SIL1: variants seen among roughly 807,000 people sequenced by gnomAD.
SIL1 encodes nucleotide exchange factor SIL1.
Under a neutral mutation model 49.1 loss-of-function variants are expected in SIL1, and 40 were observed. That is an observed-to-expected ratio of 0.81 (90% CI 0.63 to 1.06). SIL1 has a LOEUF of 1.06. Ranked by LOEUF, SIL1 falls within the 50% of genes least tolerant of loss-of-function variation. SIL1 has a pLI of 0.00. For missense variants in SIL1, 500 were observed against 572.6 expected (o/e 0.87, Z 1.29); for synonymous variants, 253 against 250.8 (o/e 1.01, Z -0.08).
At chr5:139,139,013 C>T (rs567865796) in intron 1 of SIL1, among the ~76,000 whole-genome samples, 3 of 152,172 alleles carry the variant, frequency 2.0e-5, no homozygotes, top group East Asian at 1.9e-4. Flanking sequence ...TTCAGAGTCC[C>T]GCTTCCTGAT....
At chr5:139,006,476 T>C in intron 7 of SIL1, among the ~76,000 whole-genome samples, 1 of 121,062 alleles carries the variant, frequency 8.3e-6, no homozygotes, top group East Asian at 2.5e-4. Context: ...CATTTGTCAA[T>C]TTTGGCTTTT....
intron 6 of SIL1, among the ~76,000 whole-genome samples, chr5:139,023,677 T>C (rs902953913): frequency 3.3e-5 from 5 of 152,196 alleles, no homozygotes; most frequent in Admixed American, 6.5e-5. Context: ...CAAACCACCA[T>C]TCAGTGAGTC....
At chr5:138,997,096 C>T (rs1293499930) in intron 7 of SIL1, among the ~76,000 whole-genome samples, 1 of 152,052 alleles carries the variant, frequency 6.6e-6, no homozygotes, top group Non-Finnish European at 1.5e-5. Flanking sequence ...CTGTGCCCAG[C>T]TAGTTTTATT....
intron 3 of SIL1, among the ~76,000 whole-genome samples, chr5:139,095,100 T>C (rs535627321): frequency 6.6e-6 from 1 of 152,308 alleles, no homozygotes; most frequent in South Asian, 2.1e-4. Flanking sequence ...CTTGATACCC[T>C]TGATCACAGG....
intron 1 of SIL1, among the ~76,000 whole-genome samples, chr5:139,141,333 T>G (rs943656703): frequency 6.6e-6 from 1 of 151,976 alleles, no homozygotes; most frequent in African/African-American, 2.4e-5. Flanking sequence ...GGTAAAAATA[T>G]GGACTGTGGT....
At chr5:139,021,760 T>C (rs1370059158) in intron 6 of SIL1, 2 of 208,324 alleles carry the variant, frequency 9.6e-6, no homozygotes, top group Non-Finnish European at 1.9e-5. Context: ...AGCCCTGTTA[T>C]TGGGAGGGGG....
chr5:139,079,960 T>C (rs949728771), intron 3 of SIL1, among the ~76,000 whole-genome samples: 2 of 152,230 alleles, frequency 1.3e-5, no homozygotes, highest in African/African-American at 4.8e-5. Flanking sequence ...TTCTCTCATG[T>C]AGCCACAGCT....
chr5:139,155,841 C>G (rs1751398280), intron 1 of SIL1, among the ~76,000 whole-genome samples: 1 of 148,604 alleles, frequency 6.7e-6, no homozygotes, highest in Non-Finnish European at 1.5e-5. Context: ...CAAATAAACT[C>G]TTTTTTTTTT....
chr5:138,983,735 A>C (rs1407517309), intron 7 of SIL1, among the ~76,000 whole-genome samples: 1 of 152,096 alleles, frequency 6.6e-6, no homozygotes, highest in Non-Finnish European at 1.5e-5. Flanking sequence ...CGTCTGGCAG[A>C]AACTATGAAC....
intron 3 of SIL1, among the ~76,000 whole-genome samples, chr5:139,069,911 A>T (rs1769792259): frequency 6.6e-6 from 1 of 152,130 alleles, no homozygotes; most frequent in African/African-American, 2.4e-5. Flanking sequence ...TTTGGGATGT[A>T]AAGAACACTG....
Position 138,947,278 on chromosome 5 carries a change from G to A in SIL1, c.1225C>T (p.Arg409Trp), listed in dbSNP as rs368201602. ...QTLGVLLTTC[R>W]DRYRQDPQLG... ...TGGGGGTCCTGACGGTAGCGGTCCC[G>A]GCAGGTGGTCAGGAGGACGCCCAGT... Residue 409 changes from arginine to tryptophan, a missense_variant, in exon 10 of 10, where the codon CGG (arginine) becomes TGG (tryptophan). By Grantham distance (101) the Arg-to-Trp change is moderately radical. Coordinates refer to ENST00000394817, the MANE Select transcript of SIL1 (RefSeq NM_022464.5). The surrounding 1 kb of genome is among the most constrained non-coding windows in gnomAD (Gnocchi z 4.1). 22 of 1,613,390 alleles carry A rather than the reference G, an allele frequency of 1.4e-5. No individual in the cohort carries two copies. Among genetic ancestry groups the A allele is most frequent in the African/African-American group, 1.3e-4 (10 of 74,920 alleles).
intron 3 of SIL1, among the ~76,000 whole-genome samples, chr5:139,120,250 G>C (rs1404500920): frequency 2.0e-5 from 3 of 152,202 alleles, no homozygotes; most frequent in Non-Finnish European, 2.9e-5. Flanking sequence ...AGAGTAGTAG[G>C]CTCCAGCCAA....
At position 139,121,049 on chromosome 5, in the gene SIL1, T is replaced by A. The variant is rs764374222; in HGVS notation, c.230A>T (p.Gln77Leu). ...LEVFHPTHEW[Q>L]ALQPGQAVPA... ...GGGCCTGATACCTGGCTGAAGGGCC[T>A]GCCACTCATGCGTCGGGTGGAACAC... The change falls in exon 3 of 10, where the codon CAG (glutamine) becomes CTG (leucine). Residue 77 changes from glutamine (Q) to leucine (L), a missense_variant. Transcript: ENST00000394817. The A allele has an allele frequency of 6.2e-7, 1 of 1,614,156 alleles. No individual in the cohort carries two copies. Among genetic ancestry groups the A allele is most frequent in the South Asian group, 1.1e-5 (1 of 91,066 alleles).
At chr5:139,164,999 G>A (rs1203550525) in intron 1 of SIL1, among the ~76,000 whole-genome samples, 1 of 152,120 alleles carries the variant, frequency 6.6e-6, no homozygotes, top group East Asian at 1.9e-4. Context: ...GATCCCTTGT[G>A]GGAAAAATCC....
chr5:139,099,042 C>T (rs1770530532), intron 3 of SIL1, among the ~76,000 whole-genome samples: 1 of 151,986 alleles, frequency 6.6e-6, no homozygotes, highest in Non-Finnish European at 1.5e-5. Flanking sequence ...TTCTCAAACT[C>T]CCAACCTCAA....
intron 1 of SIL1, among the ~76,000 whole-genome samples, chr5:139,148,883 CT>C (rs1751243877): frequency 6.6e-6 from 1 of 152,200 alleles, no homozygotes; most frequent in Admixed American, 6.5e-5. Context: ...GGAGGCAATT[CT>C]TTCCAATTAT....
intron 1 of SIL1, among the ~76,000 whole-genome samples, chr5:139,130,195 G>A (rs1479676201): frequency 6.6e-6 from 1 of 152,074 alleles, no homozygotes; most frequent in Non-Finnish European, 1.5e-5. Flanking sequence ...CGGGTGAGAA[G>A]ATCTCTTGAG....
In SIL1 at chr5:138,998,852, CT is replaced by C. The variant is rs35074969; in HGVS notation, c.767+22318del. 4.8e-3 allele frequency among the ~76,000 whole-genome samples: 479 copies of C among 98,764 alleles called. 1 individual carries two copies. The highest frequency in any genetic ancestry group is 6.4e-3 in the Non-Finnish European group (328 of 51,390). 64.8% of individuals were successfully genotyped at this position (98,764 alleles called of 152,430 possible). On this transcript the variant is annotated intron_variant, in intron 7 of 9. Transcript: ENST00000394817. ...AGTAGGATGCAGAGGATTATCTTTC[CT>C]TTTTTTTTTTTTTTTTTTTTTTGAG... is the stretch of plus-strand genomic sequence containing the variant.
chr5:139,097,479 A>G lies in SIL1; in HGVS notation c.244+23556T>C, dbSNP rs114423029. Among the ~76,000 whole-genome samples, 1,178 of 147,578 alleles carry G rather than the reference A, an allele frequency of 8.0e-3. 12 individuals are homozygous for G. The highest frequency in any genetic ancestry group is 0.029 in the African/African-American group (1,127 of 38,712). On this transcript the variant is annotated intron_variant, in intron 3 of 9. Coordinates refer to ENST00000394817, the MANE Select transcript of SIL1 (RefSeq NM_022464.5). ...AAATCAACATACAAAAATCAGTAGC[A>G]TTTCTCTTTTTTTTTTTTTTTAAGA...
Sources: allele counts gnomAD v4.1 joint callset (sites outside exome capture counted in the v4.1 genomes callset), GRCh38; gene constraint gnomAD v4.1.1; non-coding constraint Gnocchi (gnomAD v3.1); transcripts MANE v1.5; gene names NCBI Gene and HGNC (gene_info 2026-07-23, HGNC 2026-07-21).